Variants in PDS5A observed in about 807,000 individuals in gnomAD.
PDS5A encodes PDS5 cohesin associated factor A.
In PDS5A, 42 loss-of-function variants were observed where a neutral mutation model predicts 167.1. The ratio of observed to expected loss-of-function variants is 0.25; its 90% CI spans 0.20 to 0.33. The LOEUF is 0.33. Ranked by LOEUF, PDS5A falls within the 10% of genes least tolerant of loss-of-function variation. The probability of loss-of-function intolerance (pLI) is 1.00; values close to 1 mark genes in which losing one functional copy is unlikely to be tolerated. For missense variants in PDS5A, 1,033 were observed against 1,605.9 expected, an observed-to-expected ratio of 0.64 and a Z score of 6.10; for synonymous variants, 553 against 554.6, an observed-to-expected ratio of 1.00 and a Z score of 0.04.
At chr4:39,908,791 AG>A in intron 10 of PDS5A, 1 of 342,302 alleles carries the variant, frequency 2.9e-6, no homozygotes, top group East Asian at 4.9e-5. Flanking sequence ...TGGGAGGCTG[AG>A]GCAGGCAGGC....
At chr4:39,829,257 A>AT (rs1243388352) in intron 32 of PDS5A, among the ~76,000 whole-genome samples, 2 of 152,256 alleles carry the variant, frequency 1.3e-5, no homozygotes, top group Non-Finnish European at 2.9e-5. Context: ...AATGAGAGCT[A>AT]TGTTTAGAAT....
At chr4:39,837,629 T>C (rs997054837) in intron 32 of PDS5A, 38 of 472,514 alleles carry the variant, frequency 8.0e-5, no homozygotes, top group Non-Finnish European at 1.3e-4. Flanking sequence ...CAAAATACCA[T>C]ATCCTAAATA....
chr4:39,862,811 C>A, intron 25 of PDS5A, 58 bp downstream of exon 25: 1 of 1,126,846 alleles, frequency 8.9e-7, no homozygotes, highest in Non-Finnish European at 1.3e-6. Flanking sequence ...AAAAAAAAAC[C>A]TAAAAATGGA....
In PDS5A at chr4:39,926,922, T is replaced by C. The variant is rs1725528198; in HGVS notation, c.343-61A>G. 6 of 1,268,100 alleles carry C rather than the reference T, an allele frequency of 4.7e-6. No individual in the cohort carries two copies. In the South Asian group the frequency reaches 7.5e-5, roughly 16 times the overall value. The allele number at this position is 1,268,100 out of a possible 1,614,324, so 78.6% of individuals were successfully genotyped here. ...ATACTTTTCTTTCACAACACACTAA[T>C]AGTATGTAACTTTATTATTTGTGTA... On this transcript the variant is annotated intron_variant, in intron 3 of 32. Transcript: ENST00000303538.
chr4:39,864,811 A>G (rs928444696), intron 23 of PDS5A, among the ~76,000 whole-genome samples: 5 of 152,204 alleles, frequency 3.3e-5, no homozygotes, highest in Admixed American at 2.6e-4. Flanking sequence ...ACTCCATAAG[A>G]TGAGGAAATT....
intron 29 of PDS5A, among the ~76,000 whole-genome samples, chr4:39,845,302 T>C (rs918266212): frequency 2.6e-5 from 4 of 152,186 alleles, no homozygotes; most frequent in Non-Finnish European, 4.4e-5. Flanking sequence ...CTAGGTAATA[T>C]TAATGTATCC....
At chr4:39,943,620 C>A (rs1365877793) in intron 2 of PDS5A, among the ~76,000 whole-genome samples, 658 of 109,568 alleles carry the variant, frequency 6.0e-3, no homozygotes, top group African/African-American at 0.012. Context: ...CCCGTTTCTA[C>A]AAAAAAAAAA....
intron 6 of PDS5A, among the ~76,000 whole-genome samples, chr4:39,921,248 G>A (rs1380986833): frequency 2.6e-5 from 4 of 152,036 alleles, no homozygotes; most frequent in Non-Finnish European, 4.4e-5. Flanking sequence ...TAAACAAAAC[G>A]AAAACGAATG....
chr4:39,830,792 A>G (rs1715788820), intron 32 of PDS5A, among the ~76,000 whole-genome samples: 3 of 152,164 alleles, frequency 2.0e-5, no homozygotes, highest in Non-Finnish European at 2.9e-5. Flanking sequence ...AAAGTATGCC[A>G]CTTTCAAAAA....
intron 20 of PDS5A, among the ~76,000 whole-genome samples, chr4:39,873,824 G>A (rs563130309): frequency 2.6e-5 from 4 of 152,144 alleles, no homozygotes; most frequent in East Asian, 1.9e-4. Context: ...TGGGTGGATC[G>A]CTTCAGTCCA....
intron 11 of PDS5A, among the ~76,000 whole-genome samples, chr4:39,906,933 A>AC (rs1162942668): frequency 9.3e-5 from 14 of 150,594 alleles, no homozygotes; most frequent in Admixed American, 5.9e-4. Flanking sequence ...AAAAAAAAAA[A>AC]AAAAAAAAAA....
chr4:39,944,668 C>G (rs1014708215), intron 2 of PDS5A, among the ~76,000 whole-genome samples: 4 of 134,590 alleles, frequency 3.0e-5, no homozygotes, highest in Non-Finnish European at 6.1e-5. Flanking sequence ...CACTCCAGCC[C>G]GGGCAACAAC....
chr4:39,844,835 C>A, intron 29 of PDS5A, 34 bp from the exon 30 acceptor site: 2 of 1,584,574 alleles, frequency 1.3e-6, no homozygotes, highest in Non-Finnish European at 1.7e-6. Flanking sequence ...CCCAAAAACA[C>A]ACACGTTTAT....
At chr4:39,947,011 T>A (rs1342202634) in intron 2 of PDS5A, among the ~76,000 whole-genome samples, 1 of 151,324 alleles carries the variant, frequency 6.6e-6, no homozygotes, top group Non-Finnish European at 1.5e-5. Flanking sequence ...GGGGATGAGG[T>A]GAGGGGAATT....
At chr4:39,862,738 A>T in intron 25 of PDS5A, 131 bp downstream of exon 25, 1 of 632,602 alleles carries the variant, frequency 1.6e-6, no homozygotes, top group South Asian at 2.0e-5. Context: ...TCATAACTAC[A>T]ATGACAGCAT....
At chr4:39,975,170 T>C (rs1300615227) in intron 2 of PDS5A, among the ~76,000 whole-genome samples, 1 of 151,644 alleles carries the variant, frequency 6.6e-6, no homozygotes, top group Non-Finnish European at 1.5e-5. Context: ...TCCCAGCTAC[T>C]TGGGAGGCTG....
chr4:39,866,421 CT>C, intron 23 of PDS5A, among the ~76,000 whole-genome samples: 1 of 152,226 alleles, frequency 6.6e-6, no homozygotes. Context: ...CTGGCTGCCA[CT>C]TAAATTTTTA....
chr4:39,877,954 T>C (rs1300420544), intron 18 of PDS5A, among the ~76,000 whole-genome samples: 3 of 152,216 alleles, frequency 2.0e-5, no homozygotes, highest in African/African-American at 4.8e-5. Flanking sequence ...GAAGCCACTA[T>C]TGTGAACTTT....
chr4:39,963,847 G>C (rs1729725964), intron 2 of PDS5A, among the ~76,000 whole-genome samples: 1 of 151,802 alleles, frequency 6.6e-6, no homozygotes, highest in African/African-American at 2.4e-5. Flanking sequence ...AAAAGCGGGG[G>C]TGGGGGAGAG....
Sources: gnomAD v4.1 joint callset for allele counts (sites outside exome capture counted in the v4.1 genomes callset) on GRCh38, gnomAD v4.1.1 for gene constraint, MANE v1.5 for transcripts, NCBI Gene and HGNC (gene_info 2026-07-23, HGNC 2026-07-21) for gene names.